Variants in CCSER2 observed in about 807,000 individuals in gnomAD.
CCSER2 encodes the protein coiled-coil serine rich protein 2, also known as serine-rich coiled-coil domain-containing protein 2.
CCSER2 carries 46 observed loss-of-function variants against 92.3 expected under a neutral mutation model. That is an observed-to-expected ratio of 0.50 (90% CI 0.39 to 0.64). The LOEUF (loss-of-function observed/expected upper bound fraction) is 0.64, where lower values mean the gene tolerates loss of function less well. CCSER2 is among the 30% of genes least tolerant of loss of function. CCSER2 has a pLI of 0.00. For missense variants in CCSER2, 1,244 were observed against 1,238.9 expected, an observed-to-expected ratio of 1.00 and a Z score of -0.06; for synonymous variants, 433 against 431.4, an observed-to-expected ratio of 1.00 and a Z score of -0.04.
intron 6 of CCSER2, among the ~76,000 whole-genome samples, chr10:84,461,673 T>TCC (rs1185893864): frequency 6.6e-6 from 1 of 151,612 alleles, no homozygotes; most frequent in Non-Finnish European, 1.5e-5. Flanking sequence ...TTTTTTTTTT[T>TCC]CCCCCTGAGA....
chr10:84,437,310 G>A (rs1237094957), intron 5 of CCSER2, among the ~76,000 whole-genome samples: 1 of 152,176 alleles, frequency 6.6e-6, no homozygotes, highest in Non-Finnish European at 1.5e-5. Context: ...CCTGAGGTCA[G>A]AAGTTCAAGA....
At chr10:84,414,820 A>G (rs1279162437) in intron 3 of CCSER2, among the ~76,000 whole-genome samples, 1 of 151,582 alleles carries the variant, frequency 6.6e-6, no homozygotes, top group Non-Finnish European at 1.5e-5. Flanking sequence ...ATAATTGCAT[A>G]TTTTTCAGAG....
At chr10:84,376,831 C>T (rs182896250) in intron 3 of CCSER2, among the ~76,000 whole-genome samples, 12 of 152,108 alleles carry the variant, frequency 7.9e-5, no homozygotes, top group Non-Finnish European at 1.8e-4. Context: ...GAAAATTCAC[C>T]TTCTTGTCTA....
intron 7 of CCSER2, among the ~76,000 whole-genome samples, chr10:84,469,652 CACAA>C (rs990600672): frequency 6.6e-6 from 1 of 152,048 alleles, no homozygotes; most frequent in Admixed American, 6.6e-5. Context: ...AATAATGAAA[CACAA>C]ACAACATGGG....
intron 3 of CCSER2, among the ~76,000 whole-genome samples, chr10:84,386,757 A>C (rs2133237706): frequency 6.6e-6 from 1 of 152,266 alleles, no homozygotes; most frequent in South Asian, 2.1e-4. Flanking sequence ...ACAACAACAA[A>C]AGAAGAATGA....
At chr10:84,381,655 C>T (rs927568006) in intron 3 of CCSER2, among the ~76,000 whole-genome samples, 16 of 151,954 alleles carry the variant, frequency 1.1e-4, no homozygotes, top group South Asian at 2.1e-4. Context: ...GGGCCGGGCG[C>T]GGTGGCTCAT....
At chr10:84,388,215 C>T (rs113934658) in intron 3 of CCSER2, among the ~76,000 whole-genome samples, 88 of 152,272 alleles carry the variant, frequency 5.8e-4, no homozygotes, top group African/African-American at 1.9e-3. Context: ...CAGGTTTTAT[C>T]GTACATCCTG....
chr10:84,354,263 T>TTA (rs1845033447), intron 1 of CCSER2, among the ~76,000 whole-genome samples: 2 of 151,394 alleles, frequency 1.3e-5, no homozygotes, highest in South Asian at 2.1e-4. Flanking sequence ...TTTTTTTTTT[T>TTA]AAATAGGGTT....
intron 3 of CCSER2, among the ~76,000 whole-genome samples, chr10:84,416,442 A>G (rs1322029178): frequency 6.6e-6 from 1 of 152,192 alleles, no homozygotes; most frequent in African/African-American, 2.4e-5. Flanking sequence ...CATGTCAAAC[A>G]TTCTGCAATG....
chr10:84,423,277 T>A (rs1385992811), intron 4 of CCSER2, among the ~76,000 whole-genome samples: 1 of 152,226 alleles, frequency 6.6e-6, no homozygotes, highest in Non-Finnish European at 1.5e-5. Context: ...ACATGATACT[T>A]CCTGCAGAAT....
At chr10:84,412,603 G>C (rs1216932184) in intron 3 of CCSER2, among the ~76,000 whole-genome samples, 2 of 152,156 alleles carry the variant, frequency 1.3e-5, no homozygotes, top group Non-Finnish European at 2.9e-5. Flanking sequence ...ATGAGAAAAA[G>C]ACAGTTTGAG....
rs1270305530 is a variant in CCSER2 at position 84,515,153 on chromosome 10, T to C, written c.*886T>C. The C allele has an allele frequency of 6.6e-6, 1 of 152,646 alleles. No individual in the cohort carries two copies. Among genetic ancestry groups the C allele is most frequent in the Non-Finnish European group, 1.5e-5 (1 of 68,024 alleles). 9.5% of individuals were successfully genotyped at this position (152,646 alleles called of 1,614,324 possible). A position where few individuals can be genotyped will look rare whatever the true frequency, so the allele number is the denominator to read the frequency against. ...GCTTGTGGATCCATGATAGCCATTT[T>C]AAGGTTCCACAGCATTATGTCTTTA... is the stretch of plus-strand genomic sequence containing the variant. On this transcript the variant is annotated 3_prime_UTR_variant, in exon 10 of 10. Coordinates refer to ENST00000372088, the MANE Select transcript of CCSER2 (RefSeq NM_001284240.2).
intron 3 of CCSER2, among the ~76,000 whole-genome samples, chr10:84,407,327 T>C (rs1006181429): frequency 3.3e-5 from 5 of 152,214 alleles, no homozygotes; most frequent in African/African-American, 1.2e-4. Flanking sequence ...AGGTTGACTT[T>C]CCTTTTTTTG....
At chr10:84,495,723 T>A (rs1484527869) in intron 9 of CCSER2, among the ~76,000 whole-genome samples, 1 of 151,892 alleles carries the variant, frequency 6.6e-6, no homozygotes, top group Non-Finnish European at 1.5e-5. Context: ...GTGGGTATTC[T>A]TTTTGCTCTG....
chr10:84,501,388 C>G lies in CCSER2; in HGVS notation c.2326-12061C>G, dbSNP rs570727697. ...CCCACCTGTGTACTTACTCAAGCCCCCTTTTAGCCTGTATCCTTTTTTGTC... is the reference window on the plus strand; with the variant it reads ...CCCACCTGTGTACTTACTCAAGCCCGCTTTTAGCCTGTATCCTTTTTTGTC... On this transcript the variant is annotated intron_variant, in intron 9 of 9. Coordinates refer to ENST00000372088, the MANE Select transcript of CCSER2 (RefSeq NM_001284240.2). Among the ~76,000 whole-genome samples the G allele has an allele frequency of 2.3e-3, 356 of 152,254 alleles. 1 individual carries two copies. Among genetic ancestry groups the G allele is most frequent in the African/African-American group, 8.2e-3 (340 of 41,546 alleles).
At chr10:84,439,224 C>T (rs1352176906) in intron 6 of CCSER2, among the ~76,000 whole-genome samples, 1 of 130,996 alleles carries the variant, frequency 7.6e-6, no homozygotes, top group Non-Finnish European at 1.6e-5. Context: ...AAAATCTAGA[C>T]TCATAGCAGT....
rs368729802 is a variant in CCSER2 at position 84,425,809 on chromosome 10, C to T, written c.1784C>T (p.Pro595Leu). The part of the protein sequence containing the change: ...RQPQEGFWKR[P>L]PQRWSGQEHY... ...CCTCAGGAAGGTTTTTGGAAAAGGC[C>T]ACCCCAGAGGTGGAGTGGACAGGAG... The change falls in exon 5 of 10, where the codon CCA becomes CTA. Residue 595 changes from proline to leucine, a missense_variant. By Grantham distance (98) the Pro-to-Leu change is moderately conservative (BLOSUM62 -3). Coordinates refer to ENST00000372088, the MANE Select transcript of CCSER2 (RefSeq NM_001284240.2). 1.6e-3 allele frequency: 2,610 copies of T among 1,613,460 alleles called. 64 individuals are homozygous for T. The South Asian group carries it at 0.027, about 17-fold the overall frequency.
chr10:84,441,124 C>A (rs1844506793), intron 6 of CCSER2, among the ~76,000 whole-genome samples: 1 of 152,060 alleles, frequency 6.6e-6, no homozygotes, highest in African/African-American at 2.4e-5. Context: ...TATTCTCTTT[C>A]CTTTATTTTA....
intron 3 of CCSER2, among the ~76,000 whole-genome samples, chr10:84,396,017 TG>T (rs1841811073): frequency 6.6e-6 from 1 of 152,166 alleles, no homozygotes; most frequent in Non-Finnish European, 1.5e-5. Flanking sequence ...TATTTATTTC[TG>T]TATCCATTTC....
Sources: gnomAD v4.1 joint callset for allele counts (sites outside exome capture counted in the v4.1 genomes callset) on GRCh38, gnomAD v4.1.1 for gene constraint, MANE v1.5 for transcripts, NCBI Gene and HGNC (gene_info 2026-07-23, HGNC 2026-07-21) for gene names.